DIPK1C: variants seen among roughly 807,000 people sequenced by gnomAD.
DIPK1C encodes divergent protein kinase domain 1C.
A neutral mutation model predicts 28.0 loss-of-function variants in DIPK1C; 33 were observed. The ratio of observed to expected loss-of-function variants is 1.18; its 90% CI spans 0.89 to 1.58. The LOEUF is 1.58. DIPK1C is among the 40% of genes most tolerant of loss of function. DIPK1C has a pLI of 0.00. For synonymous variants in DIPK1C, 255 were observed against 248.8 expected, an observed-to-expected ratio of 1.02 and a Z score of -0.23; for missense variants, 569 against 568.5, an observed-to-expected ratio of 1.00 and a Z score of -0.01.
intron 1 of DIPK1C, 38 bp downstream of exon 1, chr18:74,457,024 G>A (rs1986529511): frequency 7.2e-7 from 1 of 1,385,758 alleles, no homozygotes; most frequent in African/African-American, 1.5e-5. Flanking sequence ...CCCCCTCCCC[G>A]GACGCGCGGC....
At position 74,447,104 on chromosome 18, in the gene DIPK1C, C is replaced by G. The variant is rs763408015; in HGVS notation, c.378G>C (p.Pro126=). ...KSKEEAFSSF[P]PLSLLEEEAG... ...CCTCCTCTTCCAACAGGCTGAGGGG[C>G]GGGAAGCTGGAGAAGGCCTCCTCCT... Residue 126 remains proline (P), a synonymous_variant, in exon 2 of 4, where the codon CCG becomes CCC. Transcript: ENST00000343998. This position sits in a 1 kb window ranked among gnomAD's most constrained non-coding sequence, Gnocchi z 4.1. 6.4e-7 allele frequency: 1 copy of G among 1,550,488 alleles called. No individual in the cohort carries two copies. The highest frequency in any genetic ancestry group is 1.2e-5 in the South Asian group (1 of 84,042).
intron 3 of DIPK1C, 74 bp downstream of exon 3, chr18:74,441,878 G>GT (rs1351287502): frequency 6.7e-7 from 1 of 1,489,622 alleles, no homozygotes; most frequent in African/African-American, 1.4e-5. Flanking sequence ...TCCACTGAGG[G>GT]TATCTGAAGA....
chr18:74,450,188 C>G (rs1986368954), intron 1 of DIPK1C, among the ~76,000 whole-genome samples: 1 of 151,994 alleles, frequency 6.6e-6, no homozygotes, highest in Non-Finnish European at 1.5e-5. Flanking sequence ...TTTCACGTCT[C>G]TATAAATCTG....
intron 3 of DIPK1C, among the ~76,000 whole-genome samples, chr18:74,439,422 C>T (rs532112627): frequency 6.6e-6 from 1 of 152,216 alleles, no homozygotes; most frequent in South Asian, 2.1e-4. Context: ...GCTAAATACC[C>T]GTATTTCATT....
At chr18:74,438,972 A>G (rs1986059024) in intron 3 of DIPK1C, among the ~76,000 whole-genome samples, 1 of 152,258 alleles carries the variant, frequency 6.6e-6, no homozygotes, top group Admixed American at 6.5e-5. Flanking sequence ...GAGCCCCAGC[A>G]GCAGGGAATA....
At chr18:74,457,816 G>A (rs964826258), upstream of DIPK1C, 2 of 150,784 alleles carry the variant, frequency 1.3e-5, no homozygotes, top group African/African-American at 2.5e-5. Context: ...GTGAGATCCG[G>A]AGCATGCAGA....
intron 2 of DIPK1C, among the ~76,000 whole-genome samples, chr18:74,445,655 C>A (rs535217009): frequency 6.1e-4 from 93 of 152,162 alleles, no homozygotes; most frequent in African/African-American, 2.2e-3. Context: ...AGCCAGGCTC[C>A]ACAGTGACCA....
intron 2 of DIPK1C, among the ~76,000 whole-genome samples, chr18:74,442,576 G>A (rs527266921): frequency 4.2e-4 from 64 of 152,250 alleles, no homozygotes; most frequent in Middle Eastern, 3.4e-3. Context: ...TGATCTGCCC[G>A]CCTCGGCCTC....
Position 74,446,883 on chromosome 18 carries a change from C to A in DIPK1C, c.599G>T (p.Ser200Ile). Residue 200 changes from serine (S) to isoleucine (I), a missense_variant, in exon 2 of 4, where the codon AGC becomes ATC. Coordinates refer to ENST00000343998, the MANE Select transcript of DIPK1C (RefSeq NM_001044369.3). ...GTGTGGGCTCAGGTCCTGCAGCAGG[C>A]TGAAGTAGACGTACTCCTCCTGCTG... ...LLQQEEYVYF[S>I]LLQDLSPHVL... 6.6e-7 allele frequency: 1 copy of A among 1,520,860 alleles called. No individual in the cohort carries two copies. Among genetic ancestry groups the A allele is most frequent in the Non-Finnish European group, 8.9e-7 (1 of 1,129,546 alleles). 94.2% of individuals were successfully genotyped at this position (1,520,860 alleles called of 1,614,324 possible).
intron 3 of DIPK1C, among the ~76,000 whole-genome samples, chr18:74,437,979 C>T (rs951099550): frequency 1.3e-5 from 2 of 152,206 alleles, no homozygotes; most frequent in Admixed American, 6.5e-5. Flanking sequence ...GCAACTTTGA[C>T]TTCCTTGGTT....
Position 74,447,899 on chromosome 18 carries a change from C to T in DIPK1C, c.199-616G>A, listed in dbSNP as rs1302054435. ...AGAGGACACATGAGTGGGCACAGGG[C>T]TCATGGCTGGTGACCTGGAGAAGAG... On this transcript the variant is annotated intron_variant, in intron 1 of 3. Coordinates refer to ENST00000343998, the MANE Select transcript of DIPK1C (RefSeq NM_001044369.3). The surrounding 1 kb of genome is among the most constrained non-coding windows in gnomAD (Gnocchi z 4.1). Among the ~76,000 whole-genome samples, 1 of 152,188 alleles carries T rather than the reference C, an allele frequency of 6.6e-6. No individual in the cohort carries two copies. Among genetic ancestry groups the T allele is most frequent in the Non-Finnish European group, 1.5e-5 (1 of 68,030 alleles).
At position 74,457,143 on chromosome 18, in the gene DIPK1C, G is replaced by C; in HGVS notation, c.117C>G (p.Ala39=). ...AAWTAGWVLA[A]ALLLRAHPGV... ...CCGGGTGCGCGCGGAGCAGCAGCGCGGCCGCCAGCACCCAGCCCGCGGTCC... is the reference window on the plus strand; with the variant it reads ...CCGGGTGCGCGCGGAGCAGCAGCGCCGCCGCCAGCACCCAGCCCGCGGTCC... Residue 39 remains alanine (A), a synonymous_variant, in exon 1 of 4, where the codon GCC becomes GCG. Coordinates refer to ENST00000343998, the MANE Select transcript of DIPK1C (RefSeq NM_001044369.3). 1.4e-6 allele frequency: 2 copies of C among 1,429,502 alleles called. No homozygotes were observed. Among genetic ancestry groups the C allele is most frequent in the Non-Finnish European group, 1.8e-6 (2 of 1,097,162 alleles). 88.6% of individuals were successfully genotyped at this position (1,429,502 alleles called of 1,614,324 possible). A position where few individuals can be genotyped will look rare whatever the true frequency, so the allele number is the denominator to read the frequency against.
intron 3 of DIPK1C, among the ~76,000 whole-genome samples, chr18:74,439,100 T>C (rs1986061944): frequency 7.1e-6 from 1 of 141,682 alleles, no homozygotes; most frequent in African/African-American, 2.5e-5. Flanking sequence ...TATGCCAACA[T>C]GGGTTTTTGT....
At chr18:74,455,021 C>T (rs138209172) in intron 1 of DIPK1C, among the ~76,000 whole-genome samples, 26 of 152,232 alleles carry the variant, frequency 1.7e-4, no homozygotes, top group African/African-American at 2.4e-4. Flanking sequence ...ATGTGGCCTC[C>T]GACATCGTTC....
At chr18:74,459,057 C>T (rs1231390137), upstream of DIPK1C, among the ~76,000 whole-genome samples, 5 of 152,212 alleles carry the variant, frequency 3.3e-5, no homozygotes, top group African/African-American at 7.2e-5. Flanking sequence ...TGACTGTTAT[C>T]ACACCACTGC....
Position 74,447,391 on chromosome 18 carries a change from T to TA in DIPK1C, c.199-109dup, listed in dbSNP as rs1986299286. On this transcript the variant is annotated intron_variant, in intron 1 of 3. Coordinates refer to ENST00000343998, the MANE Select transcript of DIPK1C (RefSeq NM_001044369.3). The surrounding 1 kb of genome is among the most constrained non-coding windows in gnomAD (Gnocchi z 4.1). ...CTAGCCTCTGCCCTCAGGACGCTGA[T>TA]AATCCAGCTGTGCAGAGAAACCTCA... 4.4e-6 allele frequency: 5 copies of TA among 1,138,220 alleles called. No individual in the cohort carries two copies. The Admixed American group carries it at 8.7e-5, about 20-fold the overall frequency. The allele number at this position is 1,138,220 out of a possible 1,614,324, so 70.5% of individuals were successfully genotyped here. A position where few individuals can be genotyped will look rare whatever the true frequency, so the allele number is the denominator to read the frequency against.
At chr18:74,437,784 CT>C (rs1986031688) in intron 3 of DIPK1C, among the ~76,000 whole-genome samples, 1 of 152,214 alleles carries the variant, frequency 6.6e-6, no homozygotes, top group African/African-American at 2.4e-5. Flanking sequence ...ATGAGACATT[CT>C]TTGACATACA....
chr18:74,460,844 G>A (rs145547057), upstream of DIPK1C, among the ~76,000 whole-genome samples: 32 of 152,296 alleles, frequency 2.1e-4, no homozygotes, highest in African/African-American at 3.4e-4. Flanking sequence ...TTTTGGTGTC[G>A]AAGATATAAA....
intron 1 of DIPK1C, among the ~76,000 whole-genome samples, chr18:74,456,413 G>C (rs1254339744): frequency 6.6e-6 from 1 of 152,256 alleles, no homozygotes; most frequent in East Asian, 1.9e-4. Flanking sequence ...GCCTGTCGAG[G>C]ACCGGGACCC....
Sources: gnomAD v4.1 joint callset for allele counts (sites outside exome capture counted in the v4.1 genomes callset) on GRCh38, gnomAD v4.1.1 for gene constraint, Gnocchi (gnomAD v3.1) non-coding constraint, MANE v1.5 for transcripts, NCBI Gene and HGNC (gene_info 2026-07-23, HGNC 2026-07-21) for gene names.